GNG4: variants seen among roughly 807,000 people sequenced by gnomAD.
GNG4 encodes the protein G protein subunit gamma 4, also known as guanine nucleotide-binding protein G(I)/G(S)/G(O) subunit gamma-4.
GNG4 carries 4 observed loss-of-function variants against 5.8 expected under a neutral mutation model. That is an observed-to-expected ratio of 0.69 (90% CI 0.34 to 1.57). The LOEUF (loss-of-function observed/expected upper bound fraction) is 1.57. Among genes scored for constraint, GNG4 ranks in the 40% most tolerant of loss-of-function variants. The pLI, the probability that GNG4 is intolerant of heterozygous loss-of-function variation, is 0.06. For synonymous variants in GNG4, 29 were observed against 32.9 expected (o/e 0.88, Z 0.41); for missense variants, 96 against 95.1 (o/e 1.01, Z -0.04).
Position 235,552,119 on chromosome 1 carries a change from G to A in GNG4, c.218C>T (p.Thr73Ile). Residue 73 changes from threonine to isoleucine, a missense_variant, in exon 4 of 4, where the codon ACC becomes ATC. Physicochemically the swap from Thr to Ile is moderately conservative, Grantham distance 89. Transcript: ENST00000391854. ...NPFREKKFFC[T>I]IL ...TCATCACACACGGAGTTAGAGAATG[G>A]TACAAAAGAACTTCTTCTCGCGAAA... 2.5e-6 allele frequency: 4 copies of A among 1,613,832 alleles called. No individual in the cohort carries two copies. Among genetic ancestry groups the A allele is most frequent in the Non-Finnish European group, 3.4e-6 (4 of 1,179,782 alleles).
In GNG4 at chr1:235,649,293, G is replaced by A. The variant is rs1345555036; in HGVS notation, c.-123+369C>T. 1.3e-5 allele frequency among the ~76,000 whole-genome samples: 2 copies of A among 152,202 alleles called. No homozygotes were observed. Among genetic ancestry groups the A allele is most frequent in the Admixed American group, 1.3e-4 (2 of 15,288 alleles). Reference sequence around the variant, plus strand: ...GTCCTTTTCCACGGGGGACGTCCCCGCTGGGAAAACAGCAAACGCTCTGTG... The same window carrying A: ...GTCCTTTTCCACGGGGGACGTCCCCACTGGGAAAACAGCAAACGCTCTGTG... On this transcript the variant is annotated intron_variant, in intron 1 of 3. Coordinates refer to ENST00000391854, the MANE Select transcript of GNG4 (RefSeq NM_001098722.2). The surrounding 1 kb of genome is among the most constrained non-coding windows in gnomAD (Gnocchi z 5.7).
intron 3 of GNG4, among the ~76,000 whole-genome samples, chr1:235,569,654 G>A (rs1370775401): frequency 6.6e-6 from 1 of 150,888 alleles, no homozygotes; most frequent in African/African-American, 2.4e-5. Flanking sequence ...GTGTTTGAAC[G>A]CCTCCCAGGT....
At chr1:235,636,173 C>T (rs557692665) in intron 1 of GNG4, among the ~76,000 whole-genome samples, 1 of 152,314 alleles carries the variant, frequency 6.6e-6, no homozygotes, top group South Asian at 2.1e-4. Flanking sequence ...CACCGTGCTT[C>T]CTCATACCTG....
intron 1 of GNG4, among the ~76,000 whole-genome samples, chr1:235,647,607 A>G (rs908253330): frequency 1.3e-5 from 2 of 152,164 alleles, no homozygotes; most frequent in African/African-American, 4.8e-5. Context: ...TGCCCTCCTG[A>G]GACAGCTGTG....
intron 1 of GNG4, among the ~76,000 whole-genome samples, chr1:235,636,881 C>A (rs901216111): frequency 2.0e-5 from 3 of 152,006 alleles, no homozygotes; most frequent in Admixed American, 2.0e-4. Context: ...CAAGAGGATA[C>A]CCTAGGAACA....
intron 3 of GNG4, among the ~76,000 whole-genome samples, chr1:235,558,700 AATCTTATTCTGGTAG>A (rs1686981905): frequency 6.6e-6 from 1 of 152,352 alleles, no homozygotes; most frequent in Admixed American, 6.5e-5. Context: ...TCAAAGAGAA[AATCTTATTCTGGTAG>A]AAAATTGCAA....
Position 235,552,021 on chromosome 1 carries a change from G to T in GNG4, c.*88C>A. ...TGTTGGCTGGGCAGGGATGGGTGTT[G>T]GTCTCACTCCCTAAGGCTTAGAGCA... On this transcript the variant is annotated 3_prime_UTR_variant, in exon 4 of 4. Coordinates refer to ENST00000391854, the MANE Select transcript of GNG4 (RefSeq NM_001098722.2). The T allele has an allele frequency of 8.6e-7, 1 of 1,167,882 alleles. No homozygotes were observed. The highest frequency in any genetic ancestry group is 1.3e-6 in the Non-Finnish European group (1 of 787,820). 72.3% of individuals were successfully genotyped at this position (1,167,882 alleles called of 1,614,324 possible).
intron 3 of GNG4, among the ~76,000 whole-genome samples, chr1:235,553,360 C>G (rs776445884): frequency 6.6e-6 from 1 of 152,178 alleles, no homozygotes; most frequent in African/African-American, 2.4e-5. Context: ...TTAGGCTGTT[C>G]TGCCTGCGAG....
At chr1:235,624,104 C>CTTT (rs34430706) in intron 1 of GNG4, among the ~76,000 whole-genome samples, 1 of 138,878 alleles carries the variant, frequency 7.2e-6, no homozygotes, top group Non-Finnish European at 1.6e-5. Context: ...TGGCCAATTC[C>CTTT]TTTTTTTTTT....
rs1481182442 is a variant in GNG4, at chr1:235,558,219, G to A, written c.100-5982C>T. On this transcript the variant is annotated intron_variant, in intron 3 of 3. Coordinates refer to ENST00000391854, the MANE Select transcript of GNG4 (RefSeq NM_001098722.2). ...GTTCCGTGAAACATTAATTTCCTAG[G>A]TGCACTCAGAATTACTGAAATGTAA... Among the ~76,000 whole-genome samples, 4 of 152,132 alleles carry A rather than the reference G, an allele frequency of 2.6e-5. No individual in the cohort carries two copies. In the East Asian group the frequency reaches 5.8e-4, roughly 22 times the overall value.
intron 3 of GNG4, among the ~76,000 whole-genome samples, chr1:235,572,861 TA>T (rs1404854270): frequency 2.0e-5 from 3 of 152,094 alleles, no homozygotes; most frequent in African/African-American, 7.3e-5. Context: ...TGTCGCTGAC[TA>T]AAACAGTTTT....
At chr1:235,607,219 T>G (rs1688382442) in intron 1 of GNG4, among the ~76,000 whole-genome samples, 1 of 152,188 alleles carries the variant, frequency 6.6e-6, no homozygotes, top group Non-Finnish European at 1.5e-5. Context: ...AGTGCTGGGA[T>G]GACAGGTATG....
At chr1:235,553,406 T>C (rs1036428963) in intron 3 of GNG4, among the ~76,000 whole-genome samples, 2 of 152,210 alleles carry the variant, frequency 1.3e-5, no homozygotes, top group Non-Finnish European at 2.9e-5. Flanking sequence ...GGTAAATACA[T>C]AGCAGTCAAA....
At chr1:235,561,260 C>T (rs950896187) in intron 3 of GNG4, among the ~76,000 whole-genome samples, 16 of 152,296 alleles carry the variant, frequency 1.1e-4, no homozygotes, top group East Asian at 1.9e-4. Context: ...CCGCCCACCT[C>T]GGCCTCCCAA....
intron 1 of GNG4, among the ~76,000 whole-genome samples, chr1:235,610,066 C>T (rs1688448245): frequency 6.6e-6 from 1 of 152,140 alleles, no homozygotes; most frequent in Non-Finnish European, 1.5e-5. Context: ...ATCAAATGCA[C>T]CAGTAATGCC....
intron 1 of GNG4, among the ~76,000 whole-genome samples, chr1:235,596,819 C>A (rs1005882316): frequency 6.6e-6 from 1 of 151,966 alleles, no homozygotes; most frequent in Non-Finnish European, 1.5e-5. Context: ...TTGAACTGGG[C>A]TCAAACGAGC....
At chr1:235,643,056 T>C (rs1657383729) in intron 1 of GNG4, among the ~76,000 whole-genome samples, 1 of 152,136 alleles carries the variant, frequency 6.6e-6, no homozygotes, top group Non-Finnish European at 1.5e-5. Context: ...CCCTTGGGCG[T>C]TATCCAGTCT....
At chr1:235,552,969 G>C (rs1686792535) in intron 3 of GNG4, among the ~76,000 whole-genome samples, 1 of 152,100 alleles carries the variant, frequency 6.6e-6, no homozygotes, top group Non-Finnish European at 1.5e-5. Flanking sequence ...ATGTTGGCCA[G>C]GCTGGTCTCA....
chr1:235,647,996 A>G (rs1379218404), intron 1 of GNG4, among the ~76,000 whole-genome samples: 1 of 152,138 alleles, frequency 6.6e-6, no homozygotes, highest in African/African-American at 2.4e-5. Flanking sequence ...TTTTGCTTTA[A>G]AAACTGTAAA....
Sources: gnomAD v4.1 joint callset for allele counts (sites outside exome capture counted in the v4.1 genomes callset) on GRCh38, gnomAD v4.1.1 for gene constraint, Gnocchi (gnomAD v3.1) non-coding constraint, MANE v1.5 for transcripts, NCBI Gene and HGNC (gene_info 2026-07-23, HGNC 2026-07-21) for gene names.